FCHSD2: variants seen among roughly 807,000 people sequenced by gnomAD.
FCHSD2 encodes F-BAR and double SH3 domains protein 2.
A neutral mutation model predicts 108.1 loss-of-function variants in FCHSD2; 38 were observed. That is an observed-to-expected ratio of 0.35 (90% confidence interval 0.27 to 0.46). The LOEUF (loss-of-function observed/expected upper bound fraction) is 0.46, where lower values mean the gene tolerates loss of function less well. Among genes scored for constraint, FCHSD2 ranks in the 20% least tolerant of loss-of-function variants. The probability of loss-of-function intolerance (pLI) is 1.00; values close to 1 mark genes in which losing one functional copy is unlikely to be tolerated. For synonymous variants in FCHSD2, 279 were observed against 314.7 expected (o/e 0.89, Z 1.20); for missense variants, 751 against 897.8 (o/e 0.84, Z 2.09).
At chr11:73,038,213 A>G (rs1242984409) in intron 3 of FCHSD2, among the ~76,000 whole-genome samples, 3 of 152,132 alleles carry the variant, frequency 2.0e-5, no homozygotes, top group African/African-American at 7.2e-5. Flanking sequence ...GTGGTAGTGC[A>G]TGCCTCTAGT....
intron 8 of FCHSD2, among the ~76,000 whole-genome samples, chr11:72,927,758 C>G (rs950218667): frequency 6.6e-6 from 1 of 152,118 alleles, no homozygotes; most frequent in African/African-American, 2.4e-5. Context: ...TTCTGGTGAC[C>G]CTCTGGAAGG....
chr11:73,070,590 A>AT (rs776670119), intron 3 of FCHSD2, among the ~76,000 whole-genome samples: 3 of 151,718 alleles, frequency 2.0e-5, no homozygotes, highest in Non-Finnish European at 4.4e-5. Context: ...TGTCTGGCTA[A>AT]TTTTTTTGTA....
At chr11:72,974,983 A>G (rs748396336) in intron 8 of FCHSD2, among the ~76,000 whole-genome samples, 2 of 152,218 alleles carry the variant, frequency 1.3e-5, no homozygotes, top group African/African-American at 2.4e-5. Context: ...CCACAACTCA[A>G]AATAAAAAAG....
intron 3 of FCHSD2, among the ~76,000 whole-genome samples, chr11:73,048,979 T>G (rs990226765): frequency 6.6e-6 from 1 of 152,162 alleles, no homozygotes; most frequent in African/African-American, 2.4e-5. Flanking sequence ...CAGTAAATAT[T>G]TAAATAACAG....
At position 73,141,938 on chromosome 11, in the gene FCHSD2, G is replaced by T; in HGVS notation, c.-61C>A. 6.8e-7 allele frequency: 1 copy of T among 1,469,888 alleles called. No individual in the cohort carries two copies. Among genetic ancestry groups the T allele is most frequent in the Non-Finnish European group, 9.2e-7 (1 of 1,088,198 alleles). The allele number at this position is 1,469,888 out of a possible 1,614,324, so 91.1% of individuals were successfully genotyped here. On this transcript the variant is annotated 5_prime_UTR_variant, in exon 1 of 20. Coordinates refer to ENST00000409418, the MANE Select transcript of FCHSD2 (RefSeq NM_014824.3). ...CGTTAGCAAGGACCAGGAGGAGGAG[G>T]AGGGCCGGAGAGGAGGGGACGGCCC...
At chr11:72,967,496 G>A (rs755834887) in intron 8 of FCHSD2, among the ~76,000 whole-genome samples, 2 of 152,110 alleles carry the variant, frequency 1.3e-5, no homozygotes, top group Admixed American at 6.5e-5. Flanking sequence ...CATGCAAAGT[G>A]AAACAGTCTA....
intron 3 of FCHSD2, among the ~76,000 whole-genome samples, chr11:73,056,419 C>G (rs764415147): frequency 6.6e-6 from 1 of 152,110 alleles, no homozygotes; most frequent in Non-Finnish European, 1.5e-5. Context: ...AAAATGTAAT[C>G]TTTTTAAAAA....
chr11:72,981,355 C>T (rs1591454503), intron 8 of FCHSD2, among the ~76,000 whole-genome samples: 1 of 152,102 alleles, frequency 6.6e-6, no homozygotes, highest in African/African-American at 2.4e-5. Flanking sequence ...CTGGCCAGGC[C>T]CTTTAACTTC....
chr11:73,100,175 C>A, intron 2 of FCHSD2, among the ~76,000 whole-genome samples: 1 of 152,158 alleles, frequency 6.6e-6, no homozygotes, highest in East Asian at 1.9e-4. Context: ...TGAACACACC[C>A]TCTGTTTCAG....
intron 3 of FCHSD2, among the ~76,000 whole-genome samples, chr11:73,035,327 C>G (rs1203612872): frequency 6.6e-6 from 1 of 152,112 alleles, no homozygotes; most frequent in Non-Finnish European, 1.5e-5. Context: ...GCACGCACCA[C>G]TACTCCTGGC....
chr11:72,843,321 T>C lies in FCHSD2; in HGVS notation c.1535A>G (p.Asn512Ser). ...GDMEDWVKAR[N>S]KVGQVGYVPE... is the part of the protein sequence containing the mutation. ...CACATAACCCACTTGGCCAACTTTA[T>C]TTCGAGCCTGGGTAAAAGACATGTG... The change falls in exon 16 of 20, where the codon AAT becomes AGT. Residue 512 changes from asparagine to serine, a missense_variant. Coordinates refer to ENST00000409418, the MANE Select transcript of FCHSD2 (RefSeq NM_014824.3). The C allele has an allele frequency of 5.6e-6, 9 of 1,613,448 alleles. No homozygotes were observed. The highest frequency in any genetic ancestry group is 6.8e-6 in the Non-Finnish European group (8 of 1,179,466).
chr11:72,970,833 C>A (rs868565072), intron 8 of FCHSD2, among the ~76,000 whole-genome samples: 5 of 152,150 alleles, frequency 3.3e-5, no homozygotes, highest in South Asian at 2.1e-4. Flanking sequence ...ACAAAACATA[C>A]CCCTAACCCC....
chr11:72,988,412 T>C (rs1467481293), intron 6 of FCHSD2, among the ~76,000 whole-genome samples: 2 of 152,218 alleles, frequency 1.3e-5, no homozygotes, highest in East Asian at 1.9e-4. Flanking sequence ...ATAATTCACA[T>C]ATATTGAATT....
intron 3 of FCHSD2, among the ~76,000 whole-genome samples, chr11:73,018,517 C>CTT (rs543899306): frequency 1.4e-5 from 2 of 138,184 alleles, no homozygotes; most frequent in Non-Finnish European, 3.1e-5. Context: ...CAGATCTTGT[C>CTT]TTTTTTTTTT....
intron 3 of FCHSD2, among the ~76,000 whole-genome samples, chr11:73,074,716 C>T (rs1485026900): frequency 6.6e-6 from 1 of 152,116 alleles, no homozygotes; most frequent in African/African-American, 2.4e-5. Flanking sequence ...GTAATACATA[C>T]ATCTGACAAA....
chr11:73,123,420 C>A (rs1860779535), intron 2 of FCHSD2, among the ~76,000 whole-genome samples: 1 of 152,170 alleles, frequency 6.6e-6, no homozygotes, highest in Non-Finnish European at 1.5e-5. Flanking sequence ...TCCTTAATTA[C>A]AAATGAGAAT....
intron 9 of FCHSD2, among the ~76,000 whole-genome samples, chr11:72,907,816 A>G (rs1664316301): frequency 6.6e-6 from 1 of 151,464 alleles, no homozygotes; most frequent in African/African-American, 2.4e-5. Flanking sequence ...GATGGTCTCG[A>G]TCTCCTGACC....
intron 8 of FCHSD2, chr11:72,940,380 A>C (rs764177843): frequency 4.7e-5 from 22 of 469,526 alleles, no homozygotes; most frequent in Non-Finnish European, 8.3e-5. Flanking sequence ...CAGTTACCAA[A>C]TATTGTTTTA....
chr11:73,135,339 C>T (rs1392693915), intron 2 of FCHSD2, among the ~76,000 whole-genome samples: 1 of 152,158 alleles, frequency 6.6e-6, no homozygotes, highest in African/African-American at 2.4e-5. Context: ...CCTCAGTTCC[C>T]ACTTTCATCT....
Sources: gnomAD v4.1 joint callset for allele counts (sites outside exome capture counted in the v4.1 genomes callset) on GRCh38, gnomAD v4.1.1 for gene constraint, MANE v1.5 for transcripts, NCBI Gene and HGNC (gene_info 2026-07-23, HGNC 2026-07-21) for gene names.